The following ATG101 variants were observed in gnomAD, a reference collection of about 807,000 sequenced individuals.
ATG101 encodes autophagy-related protein 101.
Under a neutral mutation model 16.7 loss-of-function variants are expected in ATG101, and 6 were observed. That is an observed-to-expected ratio of 0.36 (90% CI 0.20 to 0.71). ATG101 has a LOEUF of 0.71. Ranked by LOEUF, ATG101 falls within the 30% of genes least tolerant of loss-of-function variation. The probability of loss-of-function intolerance (pLI) is 0.57; values close to 1 mark genes in which losing one functional copy is unlikely to be tolerated. For synonymous variants in ATG101, 108 were observed against 118.1 expected, an observed-to-expected ratio of 0.91 and a Z score of 0.56; for missense variants, 200 against 292.5, an observed-to-expected ratio of 0.68 and a Z score of 2.31.
In ATG101 at chr12:52,073,604, T is replaced by C; in HGVS notation, c.-47T>C. 1.1e-5 allele frequency: 17 copies of C among 1,588,856 alleles called. No homozygotes were observed. The highest frequency in any genetic ancestry group is 1.3e-5 in the Non-Finnish European group (15 of 1,163,660). On this transcript the variant is annotated 5_prime_UTR_variant, in exon 3 of 4. Transcript: ENST00000336854. ...GCCCTTGGGTAGGGTGAAGATCCCC[T>C]GTCTTTATCCTAGTTCCACACCTTG...
At chr12:52,076,622 T>C (rs1271356681) in intron 3 of ATG101, among the ~76,000 whole-genome samples, 164 bp from the exon 4 acceptor site, 1 of 152,224 alleles carries the variant, frequency 6.6e-6, no homozygotes, top group Admixed American at 6.5e-5. Context: ...CAGTTTGCTG[T>C]GTCACTAAGC....
intron 2 of ATG101, 54 bp from the exon 3 acceptor site, chr12:52,073,521 C>A: frequency 8.2e-7 from 1 of 1,216,180 alleles, no homozygotes; most frequent in Non-Finnish European, 1.2e-6. Context: ...AGGAAGTGAA[C>A]AGATAACACG....
chr12:52,074,785 TCC>T (rs1477432525), intron 3 of ATG101, among the ~76,000 whole-genome samples: 1 of 152,032 alleles, frequency 6.6e-6, no homozygotes, highest in East Asian at 1.9e-4. Context: ...ATGGCGAAAC[TCC>T]GTCTCTACAG....
At chr12:52,065,508 C>T (rs192246601), upstream of ATG101, among the ~76,000 whole-genome samples, 35 of 145,194 alleles carry the variant, frequency 2.4e-4, no homozygotes, top group African/African-American at 9.1e-4. Flanking sequence ...GTTTTTTAAC[C>T]ACTCCCTCCC....
At chr12:52,071,278 A>T (rs1005593256) in intron 2 of ATG101, 1 of 152,212 alleles carries the variant, frequency 6.6e-6, no homozygotes, top group Non-Finnish European at 1.5e-5. Context: ...TATATTCACC[A>T]TCTGTCAACC....
At position 52,073,970 on chromosome 12, in the gene ATG101, C is replaced by T; in HGVS notation, c.252+68C>T. 12 of 1,578,548 alleles carry T rather than the reference C, an allele frequency of 7.6e-6. No homozygotes were observed. In the South Asian group the frequency reaches 1.4e-4, roughly 18 times the overall value. ...GATGGCAGGGGGGCCTCGAGTGCTC[C>T]TCCACTCCAGCTTGGTGTTGAACCA... On this transcript the variant is annotated intron_variant, in intron 3 of 3. Coordinates refer to ENST00000336854, the MANE Select transcript of ATG101 (RefSeq NM_021934.5).
At chr12:52,074,165 TGGC>T (rs1939697931) in intron 3 of ATG101, among the ~76,000 whole-genome samples, 2 of 152,244 alleles carry the variant, frequency 1.3e-5, no homozygotes, top group South Asian at 4.1e-4. Context: ...TGAGCAGTGT[TGGC>T]GGCCAGGTCC....
intron 3 of ATG101, 53 bp downstream of exon 3, chr12:52,073,955 G>A (rs1231119940): frequency 1.3e-6 from 2 of 1,595,346 alleles, no homozygotes; most frequent in Non-Finnish European, 1.7e-6. Flanking sequence ...GATGGCAGGG[G>A]GGCCTCGAGT....
chr12:52,073,598 A>T lies in ATG101; in HGVS notation c.-53A>T, dbSNP rs1349730762. On this transcript the variant is annotated 5_prime_UTR_variant, in exon 3 of 4. Coordinates refer to ENST00000336854, the MANE Select transcript of ATG101 (RefSeq NM_021934.5). ...AGGGTGGCCCTTGGGTAGGGTGAAG[A>T]TCCCCTGTCTTTATCCTAGTTCCAC... 4 of 1,583,308 alleles carry T rather than the reference A, an allele frequency of 2.5e-6. No individual in the cohort carries two copies. In the East Asian group the frequency reaches 9.0e-5, roughly 36 times the overall value.
At chr12:52,066,005 G>C (rs148878580), upstream of ATG101, among the ~76,000 whole-genome samples, 5,594 of 152,254 alleles carry the variant, frequency 0.037, 218 homozygotes, top group African/African-American at 0.1. Flanking sequence ...AGCCTCCTGA[G>C]TAGCTGGGAT....
chr12:52,076,669 C>A, intron 3 of ATG101, 117 bp from the exon 4 acceptor site: 1 of 1,237,500 alleles, frequency 8.1e-7, no homozygotes, highest in Non-Finnish European at 1.1e-6. Context: ...TGTTTCCTTG[C>A]CATGCTTGGA....
upstream of ATG101, among the ~76,000 whole-genome samples, chr12:52,069,043 G>A (rs1939593259): frequency 6.8e-6 from 1 of 147,672 alleles, no homozygotes; most frequent in African/African-American, 2.5e-5. Flanking sequence ...TATTGGAGGT[G>A]GGTGCATTAA....
Position 52,075,504 on chromosome 12 carries a change from C to T in ATG101, c.253-1282C>T, listed in dbSNP as rs193015851. Among the ~76,000 whole-genome samples, 6 of 152,366 alleles carry T rather than the reference C, an allele frequency of 3.9e-5. No individual in the cohort carries two copies. The East Asian group carries it at 1.2e-3, about 29-fold the overall frequency. ...AGAGCCTGGCACACAGTAAACATTACAGATGCATTAGCCATTCAAGGTTAC... is the reference window on the plus strand; with the variant it reads ...AGAGCCTGGCACACAGTAAACATTATAGATGCATTAGCCATTCAAGGTTAC... On this transcript the variant is annotated intron_variant, in intron 3 of 3. Transcript: ENST00000336854.
At chr12:52,076,765 C>T in intron 3 of ATG101, 21 bp from the exon 4 acceptor site, 1 of 1,606,654 alleles carries the variant, frequency 6.2e-7, no homozygotes. Flanking sequence ...TTGGCTTGCT[C>T]ATTCGTTCCC....
At position 52,077,456 on chromosome 12, in the gene ATG101, T is replaced by G. The variant is rs1939752880; in HGVS notation, c.*266T>G. The G allele has an allele frequency of 2.1e-6, 1 of 470,572 alleles. No homozygotes were observed. Among genetic ancestry groups the G allele is most frequent in the South Asian group, 3.5e-5 (1 of 28,618 alleles). The allele number at this position is 470,572 out of a possible 1,614,324, so 29.1% of individuals were successfully genotyped here. On this transcript the variant is annotated 3_prime_UTR_variant, in exon 4 of 4. Coordinates refer to ENST00000336854, the MANE Select transcript of ATG101 (RefSeq NM_021934.5). ...CTCCACTGTACAGAAGAGCCACCACTGGGATGGGGAATAAAGTTGAGAACA... is the reference window on the plus strand; with the variant it reads ...CTCCACTGTACAGAAGAGCCACCACGGGGATGGGGAATAAAGTTGAGAACA...
upstream of ATG101, chr12:52,069,527 T>C (rs1451238550): frequency 6.6e-6 from 1 of 152,242 alleles, no homozygotes; most frequent in Admixed American, 6.5e-5. Context: ...ACGCCCCTCA[T>C]CTTGCGGTGA....
At chr12:52,072,782 GT>G (rs942695300) in intron 2 of ATG101, among the ~76,000 whole-genome samples, 4 of 149,890 alleles carry the variant, frequency 2.7e-5, no homozygotes, top group Admixed American at 2.0e-4. Context: ...TTGTATTTTT[GT>G]TTTTTTTGAG....
At position 52,073,591 on chromosome 12, in the gene ATG101, G is replaced by A. The variant is rs1939683522; in HGVS notation, c.-60G>A. 6.3e-7 allele frequency: 1 copy of A among 1,577,188 alleles called. No homozygotes were observed. The highest frequency in any genetic ancestry group is 2.3e-5 in the East Asian group (1 of 44,342). ...CTTTTGCAGGGTGGCCCTTGGGTAG[G>A]GTGAAGATCCCCTGTCTTTATCCTA... On this transcript the variant is annotated 5_prime_UTR_variant, in exon 3 of 4. Transcript: ENST00000336854.
In ATG101 at chr12:52,073,945, G is replaced by C. The variant is rs756846592; in HGVS notation, c.252+43G>C. ...TTCAAGGTAAGGGTGTGGCATAGCA[G>C]ATGGCAGGGGGGCCTCGAGTGCTCC... is the stretch of plus-strand genomic sequence containing the variant. On this transcript the variant is annotated intron_variant, in intron 3 of 3. Transcript: ENST00000336854. The C allele has an allele frequency of 1.9e-6, 3 of 1,601,382 alleles. No individual in the cohort carries two copies. In the East Asian group the frequency reaches 6.7e-5, roughly 36 times the overall value.
Sources: gnomAD v4.1 joint callset for allele counts (sites outside exome capture counted in the v4.1 genomes callset) on GRCh38, gnomAD v4.1.1 for gene constraint, MANE v1.5 for transcripts, NCBI Gene and HGNC (gene_info 2026-07-23, HGNC 2026-07-21) for gene names.